The following SYNDIG1 variants were observed in gnomAD, a reference collection of about 807,000 sequenced individuals.
SYNDIG1 encodes the protein synapse differentiation inducing 1.
A neutral mutation model predicts 19.4 loss-of-function variants in SYNDIG1; 9 were observed. The observed-to-expected ratio is 0.46, with a 90% confidence interval of 0.28 to 0.81. The LOEUF is 0.81. Among genes scored for constraint, SYNDIG1 ranks in the 30% least tolerant of loss-of-function variants. The pLI, the probability that SYNDIG1 is intolerant of heterozygous loss-of-function variation, is 0.12. For synonymous variants in SYNDIG1, 141 were observed against 145.9 expected (o/e 0.97, Z 0.24); for missense variants, 311 against 343.3 (o/e 0.91, Z 0.74).
intron 1 of SYNDIG1, among the ~76,000 whole-genome samples, chr20:24,495,016 C>G (rs1352233239): frequency 6.6e-6 from 1 of 152,208 alleles, no homozygotes; most frequent in Non-Finnish European, 1.5e-5. Flanking sequence ...AGGTAGAACT[C>G]AGTTACAAGA....
At chr20:24,603,319 A>G (rs1354233715) in intron 3 of SYNDIG1, among the ~76,000 whole-genome samples, 1 of 152,152 alleles carries the variant, frequency 6.6e-6, no homozygotes, top group East Asian at 1.9e-4. Flanking sequence ...GCAGGGCTGT[A>G]GACAAGTGTC....
At chr20:24,603,235 T>C (rs1218603691) in intron 3 of SYNDIG1, among the ~76,000 whole-genome samples, 3 of 152,064 alleles carry the variant, frequency 2.0e-5, no homozygotes, top group African/African-American at 7.2e-5. Context: ...TACCAAAAAG[T>C]GTCCGGAGTT....
intron 1 of SYNDIG1, among the ~76,000 whole-genome samples, chr20:24,512,520 G>T (rs377329739): frequency 6.6e-6 from 1 of 151,982 alleles, no homozygotes; most frequent in Admixed American, 6.5e-5. Context: ...AGGGTCCCAC[G>T]CCCACGGAGC....
intron 2 of SYNDIG1, among the ~76,000 whole-genome samples, chr20:24,560,641 T>G (rs962290727): frequency 5.3e-5 from 8 of 151,738 alleles, no homozygotes; most frequent in African/African-American, 1.9e-4. Flanking sequence ...TTTTTTTTAC[T>G]GAATCCAACA....
rs892654776 is a variant in SYNDIG1, at chr20:24,574,513, A to G, written c.481-10343A>G. 2.6e-5 allele frequency among the ~76,000 whole-genome samples: 4 copies of G among 151,906 alleles called. No homozygotes were observed. The South Asian group carries it at 8.3e-4, about 32-fold the overall frequency. The stretch of plus-strand genomic sequence containing the variant: ...CTAAAATAAATAAATAAATAAGTAA[A>G]TAAATAAATAAATAAAAATAATGCA... On this transcript the variant is annotated intron_variant, in intron 2 of 3. Transcript: ENST00000376862.
chr20:24,475,685 A>T (rs1376334594), intron 1 of SYNDIG1, among the ~76,000 whole-genome samples: 2 of 152,152 alleles, frequency 1.3e-5, no homozygotes, highest in African/African-American at 4.8e-5. Context: ...CTTGGAGAGG[A>T]CCCTGCACAG....
At chr20:24,662,332 C>T (rs1325499632) in intron 3 of SYNDIG1, among the ~76,000 whole-genome samples, 1 of 152,058 alleles carries the variant, frequency 6.6e-6, no homozygotes, top group Non-Finnish European at 1.5e-5. Context: ...ATCGGGTCTT[C>T]TACATATCTT....
intron 3 of SYNDIG1, among the ~76,000 whole-genome samples, chr20:24,656,434 C>G (rs79670634): frequency 6.6e-6 from 1 of 152,130 alleles, no homozygotes; most frequent in East Asian, 1.9e-4. Context: ...GCATGCTGGA[C>G]CCCGTGGTGC....
chr20:24,617,820 T>G (rs1260905431), intron 3 of SYNDIG1, among the ~76,000 whole-genome samples: 30 of 5,656 alleles, frequency 5.3e-3, no homozygotes, highest in African/African-American at 6.4e-3. Context: ...GGTCTGAGAG[T>G]GGGGAGAGAC....
intron 3 of SYNDIG1, among the ~76,000 whole-genome samples, chr20:24,637,176 C>T (rs1375693852): frequency 6.6e-6 from 1 of 152,246 alleles, no homozygotes; most frequent in Non-Finnish European, 1.5e-5. Context: ...CTTGGTACAG[C>T]TCCTACAGAA....
chr20:24,663,157 G>A (rs1190930711), intron 3 of SYNDIG1, among the ~76,000 whole-genome samples: 1 of 152,174 alleles, frequency 6.6e-6, no homozygotes, highest in African/African-American at 2.4e-5. Context: ...AGAAACTCTG[G>A]CTTCTATGAC....
At chr20:24,594,872 T>C (rs2058573037) in intron 3 of SYNDIG1, among the ~76,000 whole-genome samples, 1 of 152,234 alleles carries the variant, frequency 6.6e-6, no homozygotes, top group African/African-American at 2.4e-5. Context: ...TTTTGTATGT[T>C]AAAACTTTGC....
chr20:24,532,651 A>G (rs1321588486), intron 1 of SYNDIG1, among the ~76,000 whole-genome samples: 1 of 152,218 alleles, frequency 6.6e-6, no homozygotes, highest in Non-Finnish European at 1.5e-5. Context: ...GAAAATACTA[A>G]TTAAAGTTAA....
chr20:24,522,695 T>C (rs1486308093), intron 1 of SYNDIG1, among the ~76,000 whole-genome samples: 9 of 152,142 alleles, frequency 5.9e-5, no homozygotes, highest in Non-Finnish European at 1.2e-4. Context: ...TACCAGAGAC[T>C]GGGGCATTTG....
chr20:24,557,454 T>C (rs2057844866), intron 2 of SYNDIG1, among the ~76,000 whole-genome samples: 1 of 152,148 alleles, frequency 6.6e-6, no homozygotes, highest in African/African-American at 2.4e-5. Flanking sequence ...TTTTGGTCTT[T>C]GATGATGGTG....
intron 1 of SYNDIG1, among the ~76,000 whole-genome samples, chr20:24,531,574 T>C (rs2057260589): frequency 6.6e-6 from 1 of 152,144 alleles, no homozygotes; most frequent in African/African-American, 2.4e-5. Context: ...ATTCACTGGA[T>C]TTTTTCTAGC....
intron 3 of SYNDIG1, among the ~76,000 whole-genome samples, chr20:24,607,530 C>T (rs1472788756): frequency 5.9e-5 from 9 of 152,240 alleles, no homozygotes; most frequent in South Asian, 2.1e-4. Context: ...CGGCCCATGA[C>T]GAATGTTCAC....
At chr20:24,482,077 A>G (rs1292757558) in intron 1 of SYNDIG1, among the ~76,000 whole-genome samples, 1 of 152,248 alleles carries the variant, frequency 6.6e-6, no homozygotes, top group Non-Finnish European at 1.5e-5. Flanking sequence ...AAATAAGAAA[A>G]CACAAACAAC....
chr20:24,493,439 A>G (rs2056212458), intron 1 of SYNDIG1, among the ~76,000 whole-genome samples: 1 of 152,176 alleles, frequency 6.6e-6, no homozygotes, highest in African/African-American at 2.4e-5. Flanking sequence ...ACGCACACAT[A>G]CATGGGCATA....
Sources: allele counts gnomAD v4.1 joint callset (sites outside exome capture counted in the v4.1 genomes callset), GRCh38; gene constraint gnomAD v4.1.1; transcripts MANE v1.5; gene names NCBI Gene and HGNC (gene_info 2026-07-23, HGNC 2026-07-21).